The following SMC5 variants were observed in gnomAD, a reference collection of about 807,000 sequenced individuals.
SMC5 encodes the protein structural maintenance of chromosomes protein 5.
Under a neutral mutation model 148.3 loss-of-function variants are expected in SMC5, and 88 were observed. That is an observed-to-expected ratio of 0.59 (90% CI 0.50 to 0.71). The LOEUF (loss-of-function observed/expected upper bound fraction) is 0.71. SMC5 is among the 30% of genes least tolerant of loss of function. The probability of loss-of-function intolerance (pLI) is 0.00; values close to 1 mark genes in which losing one functional copy is unlikely to be tolerated. For synonymous variants in SMC5, 421 were observed against 432.8 expected (o/e 0.97, Z 0.34); for missense variants, 1,142 against 1,298.9 (o/e 0.88, Z 1.86).
Position 70,352,069 on chromosome 9 carries a change from G to A in SMC5, c.3166-122G>A, listed in dbSNP as rs547475345. ...GTACTCCGGCCTGAGCAGCAGAGTG[G>A]GAAAAAAAAAGTTTTATTAATATTG... On this transcript the variant is annotated intron_variant, in intron 24 of 24. Transcript: ENST00000361138. 183 of 897,316 alleles carry A rather than the reference G, an allele frequency of 2.0e-4. 2 individuals carry two copies. The Middle Eastern group carries it at 3.2e-3, about 16-fold the overall frequency. 55.6% of individuals were successfully genotyped at this position (897,316 alleles called of 1,614,324 possible).
intron 2 of SMC5, among the ~76,000 whole-genome samples, chr9:70,265,719 G>A (rs1179103633): frequency 1.3e-5 from 2 of 152,178 alleles, no homozygotes; most frequent in Non-Finnish European, 2.9e-5. Context: ...AGATGTAGCT[G>A]CATTAATACT....
intron 17 of SMC5, among the ~76,000 whole-genome samples, chr9:70,330,645 C>T (rs1250615276): frequency 2.7e-5 from 4 of 150,072 alleles, no homozygotes; most frequent in Non-Finnish European, 5.9e-5. Flanking sequence ...TGGGTTCAAG[C>T]GATTTTCCTG....
chr9:70,259,729 G>A (rs1466663506), intron 1 of SMC5, among the ~76,000 whole-genome samples: 2 of 152,114 alleles, frequency 1.3e-5, no homozygotes, highest in African/African-American at 2.4e-5. Flanking sequence ...TTCGGGAATG[G>A]AGGTTACAGG....
chr9:70,292,811 T>A (rs1403968723), intron 8 of SMC5, among the ~76,000 whole-genome samples: 1 of 152,166 alleles, frequency 6.6e-6, no homozygotes, highest in African/African-American at 2.4e-5. Flanking sequence ...TATTGATTGA[T>A]TTTTGACTAC....
intron 8 of SMC5, among the ~76,000 whole-genome samples, chr9:70,296,317 A>T (rs1162679228): frequency 6.6e-6 from 1 of 152,170 alleles, no homozygotes; most frequent in Middle Eastern, 3.2e-3. Flanking sequence ...ATTAAAACGT[A>T]AAAGTTTACC....
chr9:70,342,207 G>A (rs1186724714), intron 17 of SMC5, among the ~76,000 whole-genome samples: 1 of 143,066 alleles, frequency 7.0e-6, no homozygotes, highest in Non-Finnish European at 1.5e-5. Flanking sequence ...CATGGACACA[G>A]GAAGGGGAAC....
At chr9:70,327,833 A>T (rs2036119805) in intron 17 of SMC5, among the ~76,000 whole-genome samples, 1 of 152,140 alleles carries the variant, frequency 6.6e-6, no homozygotes, top group Non-Finnish European at 1.5e-5. Context: ...AAAAAGAACT[A>T]CCTGAGACTG....
intron 10 of SMC5, among the ~76,000 whole-genome samples, chr9:70,300,643 A>G (rs2035335018): frequency 6.6e-6 from 1 of 152,170 alleles, no homozygotes; most frequent in Non-Finnish European, 1.5e-5. Flanking sequence ...AAGTGAAACC[A>G]ATACCTTATT....
At chr9:70,328,503 G>A (rs2036143514) in intron 17 of SMC5, among the ~76,000 whole-genome samples, 1 of 152,196 alleles carries the variant, frequency 6.6e-6, no homozygotes, top group African/African-American at 2.4e-5. Flanking sequence ...AAAAGTCTTT[G>A]ACTGCATGTC....
chr9:70,327,404 A>G (rs2036108703), intron 17 of SMC5, among the ~76,000 whole-genome samples: 1 of 152,238 alleles, frequency 6.6e-6, no homozygotes, highest in Admixed American at 6.5e-5. Context: ...CTAAAATAAA[A>G]TAATATTGGT....
chr9:70,289,248 G>C (rs1168749245), intron 8 of SMC5, among the ~76,000 whole-genome samples: 2 of 152,070 alleles, frequency 1.3e-5, no homozygotes, highest in African/African-American at 4.8e-5. Flanking sequence ...ACGTTGGCCA[G>C]GCTGGTCTCA....
chr9:70,314,910 T>TA, intron 12 of SMC5, 74 bp downstream of exon 12: 1 of 960,996 alleles, frequency 1.0e-6, no homozygotes, highest in Non-Finnish European at 1.5e-6. Context: ...AATAAGCTAT[T>TA]ACAAGCTGTA....
intron 17 of SMC5, among the ~76,000 whole-genome samples, chr9:70,333,074 G>C (rs1436340299): frequency 6.6e-6 from 1 of 151,986 alleles, no homozygotes; most frequent in Admixed American, 6.6e-5. Context: ...GTTCTAGTCA[G>C]TGCAGTAAGG....
chr9:70,348,988 A>G (rs2036737743), intron 22 of SMC5, among the ~76,000 whole-genome samples: 1 of 152,208 alleles, frequency 6.6e-6, no homozygotes, highest in African/African-American at 2.4e-5. Context: ...GTTGTATTAT[A>G]TCTTTCTCTT....
At position 70,264,493 on chromosome 9, in the gene SMC5, C is replaced by G. The variant is rs761301074; in HGVS notation, c.327+48C>G. On this transcript the variant is annotated intron_variant, in intron 2 of 24. Coordinates refer to ENST00000361138, the MANE Select transcript of SMC5 (RefSeq NM_015110.4). ...TAAGAAATTTCAAACCTATTAATTG[C>G]TTTTAGTAACATCAATTTCTACACC... The G allele has an allele frequency of 6.3e-6, 10 of 1,585,010 alleles. No homozygotes were observed. In the Admixed American group the frequency reaches 1.4e-4, roughly 22 times the overall value.
chr9:70,297,177 C>T (rs1331617425), intron 8 of SMC5, among the ~76,000 whole-genome samples: 1 of 152,120 alleles, frequency 6.6e-6, no homozygotes, highest in Non-Finnish European at 1.5e-5. Context: ...ATTTATATTT[C>T]ACATACACCT....
intron 22 of SMC5, among the ~76,000 whole-genome samples, 181 bp downstream of exon 22, chr9:70,348,219 G>A (rs189881713): frequency 3.9e-5 from 6 of 152,072 alleles, no homozygotes; most frequent in Non-Finnish European, 8.8e-5. Flanking sequence ...TTTTTGGGGG[G>A]GGTTATGTTT....
chr9:70,277,402 A>G lies in SMC5; in HGVS notation c.473A>G (p.Gln158Arg). The stretch of plus-strand genomic sequence containing the variant: ...TTCATCAACAAAAAATCTACAACCC[A>G]GAAAATAGTGGAAGAGAAAGTTGCA... ...FWFINKKSTT[Q>R]KIVEEKVAAL... Residue 158 changes from glutamine to arginine, a missense_variant, in exon 4 of 25, where the codon CAG (glutamine) becomes CGG (arginine). Coordinates refer to ENST00000361138, the MANE Select transcript of SMC5 (RefSeq NM_015110.4). 6.2e-7 allele frequency: 1 copy of G among 1,606,826 alleles called. No individual in the cohort carries two copies. Among genetic ancestry groups the G allele is most frequent in the Non-Finnish European group, 8.5e-7 (1 of 1,176,430 alleles).
intron 15 of SMC5, among the ~76,000 whole-genome samples, chr9:70,319,423 G>A (rs768850720): frequency 6.6e-6 from 1 of 152,006 alleles, no homozygotes; most frequent in African/African-American, 2.4e-5. Flanking sequence ...GAAGAGTGGC[G>A]TTTTACATTT....
Sources: allele counts gnomAD v4.1 joint callset (sites outside exome capture counted in the v4.1 genomes callset), GRCh38; gene constraint gnomAD v4.1.1; transcripts MANE v1.5; gene names NCBI Gene and HGNC (gene_info 2026-07-23, HGNC 2026-07-21).